LOXHD1: variants seen among roughly 807,000 people sequenced by gnomAD.
The protein encoded by LOXHD1 is lipoxygenase homology PLAT domains 1, also known as lipoxygenase homology domain-containing protein 1.
LOXHD1 carries 205 observed loss-of-function variants against 248.2 expected under a neutral mutation model. That is an observed-to-expected ratio of 0.83 (90% CI 0.74 to 0.93). The LOEUF is 0.93. Ranked by LOEUF, LOXHD1 falls within the 40% of genes least tolerant of loss-of-function variation. The pLI is 0.00. For missense variants in LOXHD1, 2,930 were observed against 2,971.6 expected (o/e 0.99, Z 0.33); for synonymous variants, 1,113 against 1,162.8 (o/e 0.96, Z 0.87).
intron 19 of LOXHD1, 34 bp downstream of exon 19, chr18:46,560,049 C>CCCGA: frequency 2.5e-5 from 14 of 555,550 alleles, no homozygotes; most frequent in Non-Finnish European, 3.9e-5. Flanking sequence ...TCTGGCCACT[C>CCCGA]CCTCCCCACC....
intron 8 of LOXHD1, among the ~76,000 whole-genome samples, chr18:46,600,754 T>G (rs571480571): frequency 1.3e-5 from 2 of 152,302 alleles, no homozygotes; most frequent in African/African-American, 4.8e-5. Context: ...ACAGAGGAGT[T>G]TAAAAGCATC....
chr18:46,507,017 C>T (rs909116922), intron 36 of LOXHD1, among the ~76,000 whole-genome samples: 1 of 152,200 alleles, frequency 6.6e-6, no homozygotes, highest in Non-Finnish European at 1.5e-5. Context: ...GTCTGCCTGG[C>T]TTCTGGATTT....
intron 33 of LOXHD1, among the ~76,000 whole-genome samples, chr18:46,520,115 T>C (rs1012765193): frequency 6.6e-6 from 1 of 152,092 alleles, no homozygotes; most frequent in Non-Finnish European, 1.5e-5. Context: ...CAGATGGAGA[T>C]GTCTGGGGGG....
chr18:46,641,776 T>G, intron 3 of LOXHD1, among the ~76,000 whole-genome samples, 180 bp downstream of exon 3: 1 of 152,164 alleles, frequency 6.6e-6, no homozygotes, highest in East Asian at 1.9e-4. Flanking sequence ...CCAAAAAAAA[T>G]GAATCTCCAG....
At chr18:46,656,060 T>C (rs2039177252) in intron 1 of LOXHD1, among the ~76,000 whole-genome samples, 1 of 152,142 alleles carries the variant, frequency 6.6e-6, no homozygotes, top group South Asian at 2.1e-4. Context: ...TGGATGACTA[T>C]GGCGCTTACG....
At chr18:46,564,577 T>C (rs1195154112) in intron 17 of LOXHD1, among the ~76,000 whole-genome samples, 4 of 152,004 alleles carry the variant, frequency 2.6e-5, no homozygotes, top group African/African-American at 7.3e-5. Context: ...TTTAAAAATA[T>C]GGAGCTAAAT....
chr18:46,551,953 A>G (rs1373316125), intron 21 of LOXHD1, among the ~76,000 whole-genome samples: 4 of 152,270 alleles, frequency 2.6e-5, no homozygotes, highest in African/African-American at 9.6e-5. Context: ...GCTAGACACA[A>G]AAAGACAAAT....
chr18:46,557,915 G>A, intron 20 of LOXHD1: 1 of 1,067,026 alleles, frequency 9.4e-7, no homozygotes, highest in Admixed American at 4.7e-5. Flanking sequence ...CTATGAGCTG[G>A]TGCTGTGCAA....
chr18:46,579,981 A>G (rs990226201), intron 12 of LOXHD1, among the ~76,000 whole-genome samples, 197 bp from the exon 13 acceptor site: 3 of 152,240 alleles, frequency 2.0e-5, no homozygotes, highest in Admixed American at 6.5e-5. Flanking sequence ...CTCTTGGCCT[A>G]GGCCCTTGGT....
At chr18:46,506,054 G>T (rs2034551309) in intron 36 of LOXHD1, 31 bp from the exon 37 acceptor site, 4 of 1,549,006 alleles carry the variant, frequency 2.6e-6, no homozygotes, top group Non-Finnish European at 3.5e-6. Context: ...GGCTTAGGGT[G>T]CCAGCCTCTT....
Position 46,604,224 on chromosome 18 carries a change from G to A in LOXHD1, c.765C>T (p.Val255=). 1 of 1,551,720 alleles carries A rather than the reference G, an allele frequency of 6.4e-7. No homozygotes were observed. Among genetic ancestry groups the A allele is most frequent in the South Asian group, 1.2e-5 (1 of 84,058 alleles). ...GSAGWFLSQI[V]IEDIGNKRKY... is the part of the protein sequence containing the mutation. ...TTCTTTTGTTCCCAATATCTTCAAT[G>A]ACTATCTGGGAAGGAGAAGAGGGGA... The change falls in exon 7 of 41, where the codon GTC becomes GTT. Residue 255 remains valine (V), a synonymous_variant. Coordinates refer to ENST00000642948, the MANE Select transcript of LOXHD1 (RefSeq NM_001384474.1).
rs188897618 is a variant in LOXHD1, at chr18:46,593,854, A to T, written c.1271-94T>A. On this transcript the variant is annotated intron_variant, in intron 9 of 40. Transcript: ENST00000642948. ...GAAGGAAAAATCCAAAATGATCAGG[A>T]CTGAAGGGCGGGGTATACACAGGTG... is the stretch of plus-strand genomic sequence containing the variant. The T allele has an allele frequency of 3.4e-5, 46 of 1,365,248 alleles. No homozygotes were observed. In the Admixed American group the frequency reaches 9.2e-4, roughly 27 times the overall value. 84.6% of individuals were successfully genotyped at this position (1,365,248 alleles called of 1,614,324 possible).
intron 28 of LOXHD1, among the ~76,000 whole-genome samples, chr18:46,532,067 T>C (rs892021735): frequency 1.3e-5 from 2 of 152,224 alleles, no homozygotes; most frequent in Non-Finnish European, 2.9e-5. Flanking sequence ...CAGAAAGACC[T>C]GTCTTCCTGT....
intron 4 of LOXHD1, among the ~76,000 whole-genome samples, chr18:46,623,547 G>C (rs949022010): frequency 6.6e-6 from 1 of 152,240 alleles, no homozygotes; most frequent in African/African-American, 2.4e-5. Context: ...AGGGTTGTCT[G>C]TGCCCCCCTT....
Position 46,572,181 on chromosome 18 carries a change from A to T in LOXHD1, c.1971-19T>A, listed in dbSNP as rs1466530232. 6.5e-7 allele frequency: 1 copy of T among 1,549,976 alleles called. No individual in the cohort carries two copies. Among genetic ancestry groups the T allele is most frequent in the African/African-American group, 1.4e-5 (1 of 72,992 alleles). ...CAACCACCTGGTGGGCAAATGGGGGAATGTTAGCTCTTTGGGTGGAGCAGG... is the reference window on the plus strand; with the variant it reads ...CAACCACCTGGTGGGCAAATGGGGGTATGTTAGCTCTTTGGGTGGAGCAGG... On this transcript the variant is annotated intron_variant, in intron 14 of 40. Coordinates refer to ENST00000642948, the MANE Select transcript of LOXHD1 (RefSeq NM_001384474.1).
intron 37 of LOXHD1, among the ~76,000 whole-genome samples, chr18:46,498,378 C>T (rs1002045537): frequency 3.3e-5 from 5 of 152,120 alleles, no homozygotes; most frequent in Admixed American, 3.3e-4. Context: ...TTTACTGTTC[C>T]CCAGAAGGTT....
At chr18:46,569,898 G>T (rs1471828210) in intron 15 of LOXHD1, among the ~76,000 whole-genome samples, 2 of 152,354 alleles carry the variant, frequency 1.3e-5, no homozygotes, top group East Asian at 3.9e-4. Flanking sequence ...AATGGGCTTA[G>T]AGCAGGAAAG....
chr18:46,601,514 C>T, intron 7 of LOXHD1, 47 bp from the exon 8 acceptor site: 1 of 1,551,262 alleles, frequency 6.4e-7, no homozygotes, highest in Non-Finnish European at 8.7e-7. Flanking sequence ...TGAGCTGCAT[C>T]ATAATATCCC....
intron 8 of LOXHD1, among the ~76,000 whole-genome samples, chr18:46,596,460 T>C (rs1487791696): frequency 6.6e-6 from 1 of 152,112 alleles, no homozygotes; most frequent in African/African-American, 2.4e-5. Flanking sequence ...AGGAAACTAA[T>C]AGCCACTTGA....
Sources: gnomAD v4.1 joint callset for allele counts (sites outside exome capture counted in the v4.1 genomes callset) on GRCh38, gnomAD v4.1.1 for gene constraint, MANE v1.5 for transcripts, NCBI Gene and HGNC (gene_info 2026-07-23, HGNC 2026-07-21) for gene names.